The following XKR6 variants were observed in gnomAD, a reference collection of about 807,000 sequenced individuals.
The protein encoded by XKR6 is XK-related protein 6.
XKR6 carries 22 observed loss-of-function variants against 56.7 expected under a neutral mutation model. That is an observed-to-expected ratio of 0.39 (90% CI 0.28 to 0.55). The LOEUF (loss-of-function observed/expected upper bound fraction) is 0.55, where lower values mean the gene tolerates loss of function less well. Ranked by LOEUF, XKR6 falls within the 20% of genes least tolerant of loss-of-function variation. XKR6 has a pLI of 0.66. For synonymous variants in XKR6, 524 were observed against 387.8 expected (o/e 1.35, Z -4.13); for missense variants, 852 against 889.0 (o/e 0.96, Z 0.53).
In XKR6 at chr8:11,072,556, C is replaced by G. The variant is rs79300530; in HGVS notation, c.764+128020G>C. On this transcript the variant is annotated intron_variant, in intron 1 of 2. Coordinates refer to ENST00000416569, the MANE Select transcript of XKR6 (RefSeq NM_173683.4). ...GGTCATGCATCTTGCACTGATGAAG[C>G]CAAAAGTCCACACGTCTCATGTTGA... Among the ~76,000 whole-genome samples, 4 of 152,258 alleles carry G rather than the reference C, an allele frequency of 2.6e-5. No individual in the cohort carries two copies. In the East Asian group the frequency reaches 7.7e-4, roughly 29 times the overall value.
At chr8:11,128,236 T>A (rs969754194) in intron 1 of XKR6, among the ~76,000 whole-genome samples, 1 of 152,144 alleles carries the variant, frequency 6.6e-6, no homozygotes, top group African/African-American at 2.4e-5. Flanking sequence ...ACCTTCGCAC[T>A]CCCCTTTGCT....
chr8:11,095,019 A>C (rs1798222659), intron 1 of XKR6, among the ~76,000 whole-genome samples: 1 of 152,222 alleles, frequency 6.6e-6, no homozygotes, highest in African/African-American at 2.4e-5. Flanking sequence ...CACATCCTGC[A>C]CATGTACCTC....
chr8:11,016,079 C>G (rs1375517544), intron 1 of XKR6, among the ~76,000 whole-genome samples: 1 of 152,190 alleles, frequency 6.6e-6, no homozygotes, highest in Admixed American at 6.5e-5. Context: ...CCACAAGCCC[C>G]GAGCTCGCCA....
At chr8:11,107,587 C>T (rs905346950) in intron 1 of XKR6, among the ~76,000 whole-genome samples, 3 of 152,146 alleles carry the variant, frequency 2.0e-5, no homozygotes, top group Non-Finnish European at 4.4e-5. Flanking sequence ...GGGCACGGAT[C>T]CACTCAGGCT....
intron 1 of XKR6, among the ~76,000 whole-genome samples, chr8:11,079,835 C>T (rs1243243232): frequency 6.6e-6 from 1 of 152,050 alleles, no homozygotes; most frequent in Non-Finnish European, 1.5e-5. Flanking sequence ...GGCATGGTGG[C>T]GTGCACCTGT....
chr8:10,974,750 A>C (rs970830496), intron 1 of XKR6, among the ~76,000 whole-genome samples: 2 of 152,148 alleles, frequency 1.3e-5, no homozygotes, highest in Non-Finnish European at 2.9e-5. Flanking sequence ...TCCATAGAAA[A>C]AGATGCCAAT....
At chr8:11,037,856 TCA>T (rs1491360244) in intron 1 of XKR6, among the ~76,000 whole-genome samples, 137 of 110,114 alleles carry the variant, frequency 1.2e-3, no homozygotes, top group Admixed American at 3.2e-3. Context: ...AGACTTGGTT[TCA>T]AAAAAAAAAA....
At chr8:11,055,305 C>T (rs1799654429) in intron 1 of XKR6, among the ~76,000 whole-genome samples, 1 of 151,728 alleles carries the variant, frequency 6.6e-6, no homozygotes, top group Non-Finnish European at 1.5e-5. Context: ...AATAAGATCC[C>T]TAGGGTGGGG....
chr8:11,010,526 C>T (rs1798476328), intron 1 of XKR6, among the ~76,000 whole-genome samples: 1 of 152,114 alleles, frequency 6.6e-6, no homozygotes, highest in Admixed American at 6.6e-5. Flanking sequence ...GCACAATGCC[C>T]TAGCACAATG....
chr8:11,012,621 C>G (rs921537965), intron 1 of XKR6, among the ~76,000 whole-genome samples: 1 of 150,932 alleles, frequency 6.6e-6, no homozygotes, highest in African/African-American at 2.4e-5. Flanking sequence ...AAGTGCCCCC[C>G]TCACCTCCCC....
At chr8:11,122,804 T>C (rs1015691390) in intron 1 of XKR6, among the ~76,000 whole-genome samples, 13 of 152,212 alleles carry the variant, frequency 8.5e-5, no homozygotes, top group African/African-American at 2.7e-4. Context: ...TTAATCTGAC[T>C]TGGACCCTCA....
At chr8:11,036,930 G>A (rs751804348) in intron 1 of XKR6, among the ~76,000 whole-genome samples, 17 of 152,188 alleles carry the variant, frequency 1.1e-4, no homozygotes, top group Non-Finnish European at 2.1e-4. Context: ...AGCTAGAACC[G>A]CTCTGGCGAG....
intron 1 of XKR6, among the ~76,000 whole-genome samples, chr8:11,127,737 T>A (rs1054324949): frequency 6.6e-6 from 1 of 152,170 alleles, no homozygotes; most frequent in Non-Finnish European, 1.5e-5. Flanking sequence ...CTTAATCACC[T>A]CTGTAAAGTC....
At position 10,924,623 on chromosome 8, in the gene XKR6, C is replaced by T. The variant is rs202012600; in HGVS notation, c.961+11G>A. ...GGCCGGGGTGGCGGGGCGCGGCCGG[C>T]GGGCACTCACAGGGCAGGGTCTCGG... On this transcript the variant is annotated intron_variant, in intron 2 of 2. Transcript: ENST00000416569. 51 of 1,594,102 alleles carry T rather than the reference C, an allele frequency of 3.2e-5. No homozygotes were observed. In the East Asian group the frequency reaches 4.7e-4, roughly 15 times the overall value.
intron 1 of XKR6, among the ~76,000 whole-genome samples, chr8:11,043,182 A>C (rs1378894151): frequency 6.6e-6 from 1 of 152,122 alleles, no homozygotes; most frequent in Non-Finnish European, 1.5e-5. Flanking sequence ...AATTATCATA[A>C]ATAATATATG....
chr8:11,091,324 G>T (rs1045233411), intron 1 of XKR6, among the ~76,000 whole-genome samples: 2 of 152,040 alleles, frequency 1.3e-5, no homozygotes, highest in Non-Finnish European at 2.9e-5. Context: ...CACAGTCCCA[G>T]CTACTTGGAA....
At position 11,178,547 on chromosome 8, in the gene XKR6, A is replaced by ATATAT. The variant is rs1802779230; in HGVS notation, c.764+22028_764+22029insATATA. 7.3e-3 allele frequency among the ~76,000 whole-genome samples: 642 copies of ATATAT among 88,314 alleles called. 14 individuals are homozygous for ATATAT. The highest frequency in any genetic ancestry group is 0.035 in the African/African-American group (598 of 17,040). The allele number at this position is 88,314 out of a possible 152,430, so 57.9% of individuals were successfully genotyped here. A position where few individuals can be genotyped will look rare whatever the true frequency, so the allele number is the denominator to read the frequency against. ...TAAGTCCAAACATCTGAGAGGTAAA[A>ATATAT]ATATATATATATATATATATATATA... On this transcript the variant is annotated intron_variant, in intron 1 of 2. Coordinates refer to ENST00000416569, the MANE Select transcript of XKR6 (RefSeq NM_173683.4).
chr8:10,962,762 A>G (rs1418249280), intron 1 of XKR6, among the ~76,000 whole-genome samples: 1 of 152,004 alleles, frequency 6.6e-6, no homozygotes, highest in Non-Finnish European at 1.5e-5. Flanking sequence ...AGTAGCTGGG[A>G]TTACAGGCCC....
rs556303930 is a variant in XKR6, at chr8:10,897,121, T to C, written c.*831A>G. 1 of 152,760 alleles carries C rather than the reference T, an allele frequency of 6.5e-6. No individual in the cohort carries two copies. The highest frequency in any genetic ancestry group is 2.4e-5 in the African/African-American group (1 of 41,574). 9.5% of individuals were successfully genotyped at this position (152,760 alleles called of 1,614,324 possible). A position where few individuals can be genotyped will look rare whatever the true frequency, so the allele number is the denominator to read the frequency against. On this transcript the variant is annotated 3_prime_UTR_variant, in exon 3 of 3. Transcript: ENST00000416569. ...ACTGGGAAACGAATGTGATTCTTGC[T>C]AGGCAAATGCTAAAATGGCACATAA...
Sources: allele counts gnomAD v4.1 joint callset (sites outside exome capture counted in the v4.1 genomes callset), GRCh38; gene constraint gnomAD v4.1.1; transcripts MANE v1.5; gene names NCBI Gene and HGNC (gene_info 2026-07-23, HGNC 2026-07-21).